PDCL: variants seen among roughly 807,000 people sequenced by gnomAD.
PDCL encodes phosducin like.
PDCL carries 11 observed loss-of-function variants against 26.7 expected under a neutral mutation model. The ratio of observed to expected loss-of-function variants is 0.41; its 90% confidence interval spans 0.26 to 0.68. The LOEUF (loss-of-function observed/expected upper bound fraction) is 0.68. Among genes scored for constraint, PDCL ranks in the 30% least tolerant of loss-of-function variants. PDCL has a pLI of 0.30. For missense variants in PDCL, 330 were observed against 371.6 expected, an observed-to-expected ratio of 0.89 and a Z score of 0.92; for synonymous variants, 118 against 134.9, an observed-to-expected ratio of 0.87 and a Z score of 0.87.
At chr9:122,828,414 A>G (rs575578845) in intron 1 of PDCL, 57 bp downstream of exon 1, 1 of 152,110 alleles carries the variant, frequency 6.6e-6, no homozygotes, top group South Asian at 2.1e-4. Context: ...CGCCAACCCC[A>G]CTCCCTCCCG....
chr9:122,827,271 G>A (rs1459926906), intron 1 of PDCL, among the ~76,000 whole-genome samples: 1 of 152,170 alleles, frequency 6.6e-6, no homozygotes, highest in Admixed American at 6.5e-5. Context: ...GTACAATGCT[G>A]AGTCACTATT....
intron 1 of PDCL, 130 bp downstream of exon 1, chr9:122,828,341 G>C (rs939423588): frequency 1.3e-5 from 2 of 152,596 alleles, no homozygotes; most frequent in African/African-American, 4.8e-5. Context: ...GAAAGGGGAC[G>C]AGGAAGACGC....
rs201721189 is a variant in PDCL, at chr9:122,819,293, G to C, written c.*792C>G. ...TTTTCCAATATGAAAAAAAAAAAAA[G>C]TTTTAAAAAAAATCTAGGTTAAACA... On this transcript the variant is annotated 3_prime_UTR_variant, in exon 4 of 4. Coordinates refer to ENST00000259467, the MANE Select transcript of PDCL (RefSeq NM_005388.5). 6.7e-6 allele frequency: 1 copy of C among 149,480 alleles called. No individual in the cohort carries two copies. 9.3% of individuals were successfully genotyped at this position (149,480 alleles called of 1,614,324 possible).
Position 122,820,330 on chromosome 9 carries a change from C to T in PDCL, c.661G>A (p.Val221Ile), listed in dbSNP as rs1203546611. Residue 221 changes from valine to isoleucine, a missense_variant, in exon 4 of 4, where the codon GTT becomes ATT. Physicochemically the swap from Val to Ile is conservative, Grantham distance 29. Transcript: ENST00000259467. Reference protein sequence around the residue: ...AVKFCKVKSSVIGASSQFTRN... With the variant: ...AVKFCKVKSSIIGASSQFTRN... ...GTGAACTGACTGCTGGCGCCAATAA[C>T]TGAGCTCTTCACCTTGCAGAACTTG... 7 of 1,614,088 alleles carry T rather than the reference C, an allele frequency of 4.3e-6. No individual in the cohort carries two copies. The African/African-American group carries it at 5.3e-5, about 12-fold the overall frequency.
chr9:122,828,259 C>A (rs1829654760), intron 1 of PDCL, among the ~76,000 whole-genome samples: 1 of 150,416 alleles, frequency 6.6e-6, no homozygotes, highest in African/African-American at 2.5e-5. Flanking sequence ...GGCCCCCGGA[C>A]GGGAAGCAGA....
rs1251018477 is a variant in PDCL, at chr9:122,826,621, T to C, written c.167A>G (p.Asn56Ser). The C allele has an allele frequency of 6.2e-7, 1 of 1,613,816 alleles. No individual in the cohort carries two copies. The highest frequency in any genetic ancestry group is 8.5e-7 in the Non-Finnish European group (1 of 1,179,840). ...AGCCCAGGGTTTCTCAGTACCTGTG[T>C]TAACTGAGATGCCTTCGCCTGCCAG... ...AELAGEGISVNTGPKGVINDW... is the reference protein window; with the variant it reads ...AELAGEGISVSTGPKGVINDW... The change falls in exon 2 of 4, where the codon AAC becomes AGC. Residue 56 changes from asparagine to serine, a missense_variant. Asn to Ser is a conservative substitution (Grantham distance 46, BLOSUM62 1). Transcript: ENST00000259467.
At position 122,825,263 on chromosome 9, in the gene PDCL, G is replaced by C. The variant is rs148347644; in HGVS notation, c.172+1353C>G. On this transcript the variant is annotated intron_variant, in intron 2 of 3. Transcript: ENST00000259467. Reference sequence around the variant, plus strand: ...TGCAACCTCTGCCTCCGGGGTTCAAGCAATTCTCCTTCCTCAGCCTCCCGA... The same window carrying C: ...TGCAACCTCTGCCTCCGGGGTTCAACCAATTCTCCTTCCTCAGCCTCCCGA... Among the ~76,000 whole-genome samples the C allele has an allele frequency of 5.7e-3, 866 of 152,028 alleles. 8 individuals are homozygous for C. Among genetic ancestry groups the C allele is most frequent in the African/African-American group, 0.02 (834 of 41,468 alleles).
At chr9:122,827,731 CA>C (rs575500185) in intron 1 of PDCL, among the ~76,000 whole-genome samples, 1 of 150,344 alleles carries the variant, frequency 6.7e-6, no homozygotes, top group African/African-American at 2.5e-5. Context: ...GACTCTGTTT[CA>C]AAAAAAAATA....
At chr9:122,822,577 T>C (rs902117548) in intron 3 of PDCL, among the ~76,000 whole-genome samples, 3 of 152,196 alleles carry the variant, frequency 2.0e-5, no homozygotes, top group Admixed American at 6.5e-5. Context: ...ACCAGTTGCA[T>C]TGCCCTGAAC....
chr9:122,826,695 G>T lies in PDCL; in HGVS notation c.93C>A (p.Asp31Glu), dbSNP rs924228664. 2 of 1,614,030 alleles carry T rather than the reference G, an allele frequency of 1.2e-6. No individual in the cohort carries two copies. Among genetic ancestry groups the T allele is most frequent in the African/African-American group, 2.7e-5 (2 of 74,890 alleles). ...EDEDSDHEDK[D>E]RGRCAPASSS... The stretch of plus-strand genomic sequence containing the variant: ...TGCTGGCTGGGGCACATCTGCCTCG[G>T]TCCTTGTCCTCGTGGTCACTGTCCT... The change falls in exon 2 of 4, where the codon GAC (aspartate) becomes GAA (glutamate). Residue 31 changes from aspartate to glutamate, a missense_variant. Transcript: ENST00000259467.
chr9:122,823,250 A>C, intron 2 of PDCL, 53 bp from the exon 3 acceptor site: 1 of 1,560,150 alleles, frequency 6.4e-7, no homozygotes, highest in Non-Finnish European at 8.8e-7. Context: ...GGAATTATGG[A>C]CCAGCTGACA....
chr9:122,826,981 A>G (rs1829637095), intron 1 of PDCL, among the ~76,000 whole-genome samples, 189 bp from the exon 2 acceptor site: 1 of 152,208 alleles, frequency 6.6e-6, no homozygotes, highest in South Asian at 2.1e-4. Flanking sequence ...ACTCTTTAAC[A>G]GAAGGTAAAA....
At position 122,820,104 on chromosome 9, in the gene PDCL, C is replaced by T. The variant is rs1243880809; in HGVS notation, c.887G>A (p.Ser296Asn). Residue 296 changes from serine to asparagine, a missense_variant, in exon 4 of 4, where the codon AGC (serine) becomes AAC (asparagine). Physicochemically the swap from Ser to Asn is conservative, Grantham distance 46 (BLOSUM62 1). Transcript: ENST00000259467. ...RNSATCHSEDSDLEID is the reference protein window; with the variant it reads ...RNSATCHSEDNDLEID ...ATCAGTTCAATCTATTTCCAGGTCG[C>T]TATCCTCACTGTGACACGTGGCAGA... 1 of 1,609,042 alleles carries T rather than the reference C, an allele frequency of 6.2e-7. No homozygotes were observed. The highest frequency in any genetic ancestry group is 8.5e-7 in the Non-Finnish European group (1 of 1,177,336).
rs756094279 is a variant in PDCL at position 122,820,550 on chromosome 9, C to G, written c.441G>C (p.Glu147Asp). Residue 147 changes from glutamate (E) to aspartate (D), a missense_variant, in exon 4 of 4, where the codon GAG (glutamate) becomes GAC (aspartate). Coordinates refer to ENST00000259467, the MANE Select transcript of PDCL (RefSeq NM_005388.5). ...LQQYRKQRME[E>D]MRQQLHKGPQ... is the part of the protein sequence containing the mutation. ...GCCCCTTGTGAAGCTGCTGCCGCAT[C>G]TCTTCCATTCGCTGCTTCCGGTACT... The G allele has an allele frequency of 6.2e-7, 1 of 1,614,156 alleles. No individual in the cohort carries two copies. The highest frequency in any genetic ancestry group is 8.5e-7 in the Non-Finnish European group (1 of 1,180,028).
intron 1 of PDCL, among the ~76,000 whole-genome samples, chr9:122,826,994 G>A (rs1829637171): frequency 6.6e-6 from 1 of 152,136 alleles, no homozygotes; most frequent in African/African-American, 2.4e-5. Flanking sequence ...AGGTAAAACT[G>A]AAGCTCAGAT....
intron 3 of PDCL, 177 bp from the exon 4 acceptor site, chr9:122,820,813 A>T: frequency 1.9e-6 from 1 of 527,110 alleles, no homozygotes; most frequent in South Asian, 2.1e-5. Flanking sequence ...GCAAAGCCTC[A>T]TCTCTCCTTA....
chr9:122,821,672 C>T (rs1829555512), intron 3 of PDCL, among the ~76,000 whole-genome samples: 2 of 152,078 alleles, frequency 1.3e-5, no homozygotes, highest in Non-Finnish European at 2.9e-5. Context: ...GCAGATAAAT[C>T]AGCAGGACGG....
At chr9:122,822,943 C>A in intron 3 of PDCL, 73 bp downstream of exon 3, 1 of 1,333,558 alleles carries the variant, frequency 7.5e-7, no homozygotes, top group Non-Finnish European at 1.1e-6. Flanking sequence ...AAGCATCCTC[C>A]ACCTCTTGAA....
chr9:122,825,159 G>A (rs911475029), intron 2 of PDCL, among the ~76,000 whole-genome samples: 5 of 151,988 alleles, frequency 3.3e-5, no homozygotes, highest in African/African-American at 4.8e-5. Flanking sequence ...AAAAGTATAG[G>A]AGAATCTTTT....
Sources: allele counts gnomAD v4.1 joint callset (sites outside exome capture counted in the v4.1 genomes callset), GRCh38; gene constraint gnomAD v4.1.1; transcripts MANE v1.5; gene names NCBI Gene and HGNC (gene_info 2026-07-23, HGNC 2026-07-21).